SPIRE1: variants seen among roughly 807,000 people sequenced by gnomAD.
SPIRE1 encodes spire type actin nucleation factor 1.
SPIRE1 carries 40 observed loss-of-function variants against 94.1 expected under a neutral mutation model. That is an observed-to-expected ratio of 0.43 (90% CI 0.33 to 0.55). The LOEUF is 0.55. Among genes scored for constraint, SPIRE1 ranks in the 20% least tolerant of loss-of-function variants. The pLI is 0.06. For synonymous variants in SPIRE1, 376 were observed against 371.7 expected (o/e 1.01, Z -0.13); for missense variants, 838 against 975.2 (o/e 0.86, Z 1.87).
intron 10 of SPIRE1, among the ~76,000 whole-genome samples, chr18:12,477,030 T>C (rs1049555724): frequency 2.0e-5 from 3 of 152,204 alleles, no homozygotes; most frequent in Admixed American, 6.5e-5. Flanking sequence ...CTCTCTTTGA[T>C]TAAGAAGAGT....
intron 2 of SPIRE1, among the ~76,000 whole-genome samples, chr18:12,585,051 A>C (rs889676368): frequency 1.3e-5 from 2 of 152,114 alleles, no homozygotes; most frequent in Non-Finnish European, 2.9e-5. Context: ...TGATCCGCCC[A>C]CCTCGGCTTC....
chr18:12,525,139 T>TG (rs1293172821), intron 4 of SPIRE1, among the ~76,000 whole-genome samples: 1 of 150,740 alleles, frequency 6.6e-6, no homozygotes. Flanking sequence ...TAGCCGGGCG[T>TG]GGTGGCGGGC....
intron 8 of SPIRE1, among the ~76,000 whole-genome samples, chr18:12,486,310 A>C (rs2033038968): frequency 6.6e-6 from 1 of 152,244 alleles, no homozygotes; most frequent in Admixed American, 6.5e-5. Flanking sequence ...AAGATGTTTG[A>C]CTTAAATATA....
At chr18:12,601,562 C>T (rs184017857) in intron 2 of SPIRE1, among the ~76,000 whole-genome samples, 1 of 152,170 alleles carries the variant, frequency 6.6e-6, no homozygotes, top group East Asian at 1.9e-4. Flanking sequence ...ATCACCACCA[C>T]CACATAATTT....
rs79392634 is a variant in SPIRE1 at position 12,527,116 on chromosome 18, T to C, written c.729+8360A>G. Among the ~76,000 whole-genome samples, 1,437 of 152,270 alleles carry C rather than the reference T, an allele frequency of 9.4e-3. 29 individuals are homozygous for C. The highest frequency in any genetic ancestry group is 0.032 in the African/African-American group (1,326 of 41,554). ...TTCACTAGGCTTTGTGATGTCTCCA[T>C]ATGGATATTATGTTCTGTCAAGTCT... On this transcript the variant is annotated intron_variant, in intron 4 of 16. Transcript: ENST00000409402.
At chr18:12,622,614 G>T (rs1010304543) in intron 2 of SPIRE1, among the ~76,000 whole-genome samples, 1 of 150,130 alleles carries the variant, frequency 6.7e-6, no homozygotes, top group African/African-American at 2.4e-5. Context: ...AGTAGAGACA[G>T]GGTTTCACTG....
At chr18:12,546,969 G>A (rs2144283031) in intron 2 of SPIRE1, 65 bp from the exon 3 acceptor site, 1 of 1,090,718 alleles carries the variant, frequency 9.2e-7, no homozygotes, top group African/African-American at 1.6e-5. Context: ...TAATTGTGAG[G>A]CATAAGATGT....
intron 10 of SPIRE1, among the ~76,000 whole-genome samples, chr18:12,469,113 C>T (rs1328508591): frequency 1.3e-5 from 2 of 152,120 alleles, no homozygotes; most frequent in Non-Finnish European, 2.9e-5. Context: ...TTTAAAGTAA[C>T]ACTAAAAATT....
chr18:12,598,952 A>G (rs1295381592), intron 2 of SPIRE1, among the ~76,000 whole-genome samples: 1 of 152,176 alleles, frequency 6.6e-6, no homozygotes, highest in South Asian at 2.1e-4. Flanking sequence ...ATATACAGAA[A>G]TTATCAGGAA....
chr18:12,569,133 G>T (rs1029752171), intron 2 of SPIRE1, among the ~76,000 whole-genome samples: 13 of 152,178 alleles, frequency 8.5e-5, no homozygotes, highest in Non-Finnish European at 1.2e-4. Flanking sequence ...AAAGTCAGGA[G>T]ATCGAGACCA....
chr18:12,542,273 C>A (rs2035036622), intron 3 of SPIRE1, among the ~76,000 whole-genome samples: 1 of 152,136 alleles, frequency 6.6e-6, no homozygotes, highest in African/African-American at 2.4e-5. Flanking sequence ...CCGCACGCAG[C>A]CAACAAGGCA....
At chr18:12,608,400 C>T (rs2037047802) in intron 2 of SPIRE1, among the ~76,000 whole-genome samples, 1 of 152,108 alleles carries the variant, frequency 6.6e-6, no homozygotes, top group Non-Finnish European at 1.5e-5. Context: ...ACATTCTATC[C>T]GTTTGTTTCT....
intron 4 of SPIRE1, among the ~76,000 whole-genome samples, chr18:12,531,449 C>T (rs537726864): frequency 6.6e-6 from 1 of 152,304 alleles, no homozygotes; most frequent in East Asian, 1.9e-4. Flanking sequence ...TCTAATAATG[C>T]ATTTTATGTG....
At position 12,479,811 on chromosome 18, in the gene SPIRE1, A is replaced by G. The variant is rs1312505370; in HGVS notation, c.1292T>C (p.Leu431Ser). ...CCCGTTTTCTTTTGTTTGTGATGTC[A>G]AACCTCCATTCACCATAGATGACTC... ...LVESSMVNGG[L>S]TSQTKENGLS... is the part of the protein sequence containing the mutation. Residue 431 changes from leucine to serine, a missense_variant, in exon 10 of 17, where the codon TTG becomes TCG. This residue lies in a region of SPIRE1 where 645 missense variants were observed against 804.7 expected (regional missense o/e 0.80). Transcript: ENST00000409402. 6.2e-7 allele frequency: 1 copy of G among 1,614,160 alleles called. No homozygotes were observed. Among genetic ancestry groups the G allele is most frequent in the Non-Finnish European group, 8.5e-7 (1 of 1,180,008 alleles).
intron 2 of SPIRE1, among the ~76,000 whole-genome samples, chr18:12,613,974 T>C (rs1444897901): frequency 6.7e-6 from 1 of 150,266 alleles, no homozygotes; most frequent in African/African-American, 2.4e-5. Context: ...AAATATATTA[T>C]GAGGGCAAGC....
chr18:12,505,534 C>T (rs897453533), intron 6 of SPIRE1, among the ~76,000 whole-genome samples: 3 of 140,282 alleles, frequency 2.1e-5, no homozygotes, highest in Non-Finnish European at 3.1e-5. Context: ...GCCTGGGTGA[C>T]AGAGCAAGAC....
At chr18:12,653,626 T>C (rs954445107) in intron 1 of SPIRE1, among the ~76,000 whole-genome samples, 1 of 152,194 alleles carries the variant, frequency 6.6e-6, no homozygotes. Flanking sequence ...GAGTTACTAA[T>C]CACTTAACTT....
intron 2 of SPIRE1, among the ~76,000 whole-genome samples, chr18:12,613,571 A>G (rs192667378): frequency 1.8e-4 from 28 of 152,232 alleles, no homozygotes; most frequent in Non-Finnish European, 2.2e-4. Context: ...GAAAGACTTC[A>G]TAAGAAAAAA....
chr18:12,514,094 C>A (rs1477827863), intron 4 of SPIRE1, among the ~76,000 whole-genome samples: 5 of 152,172 alleles, frequency 3.3e-5, no homozygotes, highest in Non-Finnish European at 7.4e-5. Context: ...CTTGCCTCAG[C>A]CTCCCAAACG....
Sources: gnomAD v4.1 joint callset for allele counts (sites outside exome capture counted in the v4.1 genomes callset) on GRCh38, gnomAD v4.1.1 for gene constraint, gnomAD v4.1.1 regional missense constraint, MANE v1.5 for transcripts, NCBI Gene and HGNC (gene_info 2026-07-23, HGNC 2026-07-21) for gene names.